Variants in TBC1D19 observed in about 807,000 individuals in gnomAD.
TBC1D19 encodes the protein TBC1 domain family member 19.
A neutral mutation model predicts 89.0 loss-of-function variants in TBC1D19; 60 were observed. The observed-to-expected ratio is 0.67, with a 90% CI of 0.55 to 0.84. The LOEUF is 0.84. Among genes scored for constraint, TBC1D19 ranks in the 40% least tolerant of loss-of-function variants. The pLI, the probability that TBC1D19 is intolerant of heterozygous loss-of-function variation, is 0.00. For synonymous variants in TBC1D19, 189 were observed against 199.7 expected, an observed-to-expected ratio of 0.95 and a Z score of 0.45; for missense variants, 500 against 610.8, an observed-to-expected ratio of 0.82 and a Z score of 1.91.
At chr4:26,833,667 A>G in the TBC1D19 span, among the ~76,000 whole-genome samples, 1 of 152,254 alleles carries the variant, frequency 6.6e-6, no homozygotes, top group Non-Finnish European at 1.5e-5. Flanking sequence ...AAAAGCTGCC[A>G]TGGATAATGG....
the TBC1D19 span, among the ~76,000 whole-genome samples, chr4:26,781,065 G>A: frequency 6.6e-6 from 1 of 152,182 alleles, no homozygotes; most frequent in Non-Finnish European, 1.5e-5. Flanking sequence ...ACTATTTTCA[G>A]TGTGGTCCCT....
At chr4:26,597,084 T>C (rs1433632939) in intron 1 of TBC1D19, among the ~76,000 whole-genome samples, 6 of 152,230 alleles carry the variant, frequency 3.9e-5, no homozygotes, top group African/African-American at 9.6e-5. Context: ...TGAGGCCAAG[T>C]TGGAAATTAT....
chr4:26,851,304 C>CTAT, the TBC1D19 span, among the ~76,000 whole-genome samples: 2 of 146,974 alleles, frequency 1.4e-5, no homozygotes, highest in Admixed American at 1.4e-4. Flanking sequence ...TAATAAATAC[C>CTAT]CTATCTATCT....
At chr4:26,656,422 A>G (rs1744811585) in intron 7 of TBC1D19, among the ~76,000 whole-genome samples, 1 of 152,096 alleles carries the variant, frequency 6.6e-6, no homozygotes, top group South Asian at 2.1e-4. Flanking sequence ...TTCCAATGTA[A>G]GCTGTACTTC....
chr4:26,667,852 G>T (rs1711950497), intron 9 of TBC1D19, among the ~76,000 whole-genome samples: 1 of 152,050 alleles, frequency 6.6e-6, no homozygotes, highest in South Asian at 2.1e-4. Flanking sequence ...CCAACAATGT[G>T]TGAGAGTCGT....
the TBC1D19 span, among the ~76,000 whole-genome samples, chr4:26,762,134 T>C: frequency 6.6e-6 from 1 of 151,964 alleles, no homozygotes; most frequent in Admixed American, 6.6e-5. Context: ...AGAATCTGTC[T>C]CAAAATAAAT....
chr4:26,845,488 T>A, the TBC1D19 span, among the ~76,000 whole-genome samples: 4 of 152,194 alleles, frequency 2.6e-5, no homozygotes, highest in Non-Finnish European at 1.5e-5. Context: ...TCTCCAGAAC[T>A]TTTTCATCAT....
chr4:26,732,626 T>C (rs1717735099), intron 15 of TBC1D19, among the ~76,000 whole-genome samples: 1 of 152,174 alleles, frequency 6.6e-6, no homozygotes, highest in South Asian at 2.1e-4. Flanking sequence ...ATGGTAAATA[T>C]TTCACATTTT....
At chr4:26,680,546 G>A (rs1486888521) in intron 11 of TBC1D19, among the ~76,000 whole-genome samples, 1 of 152,026 alleles carries the variant, frequency 6.6e-6, no homozygotes, top group Admixed American at 6.6e-5. Context: ...TTCTGTGCTA[G>A]ACTTAATTTT....
chr4:26,700,943 A>T (rs1223282066), intron 13 of TBC1D19, among the ~76,000 whole-genome samples: 1 of 151,970 alleles, frequency 6.6e-6, no homozygotes, highest in Non-Finnish European at 1.5e-5. Context: ...AAACCAAAAG[A>T]CCCACATTTT....
At chr4:26,785,963 C>T in the TBC1D19 span, among the ~76,000 whole-genome samples, 1 of 152,172 alleles carries the variant, frequency 6.6e-6, no homozygotes, top group Non-Finnish European at 1.5e-5. Context: ...ATAATGGTTT[C>T]TTAGGAAACT....
At chr4:26,709,862 C>A (rs1047589548) in intron 13 of TBC1D19, among the ~76,000 whole-genome samples, 1 of 151,756 alleles carries the variant, frequency 6.6e-6, no homozygotes, top group Non-Finnish European at 1.5e-5. Context: ...ATGATTCTTA[C>A]AACAACCCTA....
intron 1 of TBC1D19, among the ~76,000 whole-genome samples, chr4:26,587,940 A>G (rs1257772090): frequency 2.0e-5 from 3 of 151,456 alleles, no homozygotes; most frequent in South Asian, 4.2e-4. Context: ...AAAATTGTTT[A>G]TATGATCCCC....
At chr4:26,693,856 A>G (rs886911929) in intron 13 of TBC1D19, among the ~76,000 whole-genome samples, 1 of 152,218 alleles carries the variant, frequency 6.6e-6, no homozygotes, top group Non-Finnish European at 1.5e-5. Context: ...TCAAAAGTAT[A>G]TTTGAAAAAG....
the TBC1D19 span, among the ~76,000 whole-genome samples, chr4:26,817,673 A>G: frequency 6.6e-6 from 1 of 152,094 alleles, no homozygotes; most frequent in East Asian, 1.9e-4. Flanking sequence ...AGGGTCTAAA[A>G]TATGGTATTC....
intron 7 of TBC1D19, among the ~76,000 whole-genome samples, chr4:26,656,910 AT>A (rs1161254454): frequency 1.1e-4 from 16 of 147,774 alleles, no homozygotes; most frequent in African/African-American, 3.0e-4. Flanking sequence ...TGCTTTTCAA[AT>A]TTTTTTTTTC....
At chr4:26,750,929 C>T (rs910630402) in intron 19 of TBC1D19, among the ~76,000 whole-genome samples, 5 of 152,228 alleles carry the variant, frequency 3.3e-5, no homozygotes, top group African/African-American at 1.2e-4. Flanking sequence ...ATAAATGTCA[C>T]TGGCTTTAAT....
intron 15 of TBC1D19, among the ~76,000 whole-genome samples, chr4:26,721,130 G>T (rs554342615): frequency 6.6e-6 from 1 of 151,766 alleles, no homozygotes; most frequent in African/African-American, 2.4e-5. Flanking sequence ...TCTAGGGGCT[G>T]CCATTTGCTT....
chr4:26,794,015 G>A, the TBC1D19 span, among the ~76,000 whole-genome samples: 3 of 152,160 alleles, frequency 2.0e-5, no homozygotes, highest in African/African-American at 7.2e-5. Context: ...TGAGTTACAG[G>A]CCTGTACTTG....
Sources: allele counts gnomAD v4.1 joint callset (sites outside exome capture counted in the v4.1 genomes callset), GRCh38; gene constraint gnomAD v4.1.1; transcripts MANE v1.5; gene names NCBI Gene and HGNC (gene_info 2026-07-23, HGNC 2026-07-21).